Variants in PACRGL observed in about 807,000 individuals in gnomAD.
PACRGL encodes PACRG-like protein.
Under a neutral mutation model 34.5 loss-of-function variants are expected in PACRGL, and 38 were observed. That is an observed-to-expected ratio of 1.10 (90% CI 0.85 to 1.44). The LOEUF (loss-of-function observed/expected upper bound fraction) is 1.44. PACRGL is among the 40% of genes most tolerant of loss of function. The pLI is 0.00. For synonymous variants in PACRGL, 128 were observed against 100.1 expected (o/e 1.28, Z -1.66); for missense variants, 305 against 281.4 (o/e 1.08, Z -0.60).
In PACRGL at chr4:20,707,921, A is replaced by G. The variant is rs568709719; in HGVS notation, c.275+51A>G. The G allele has an allele frequency of 2.6e-5, 33 of 1,289,696 alleles. No individual in the cohort carries two copies. The East Asian group carries it at 7.6e-4, about 30-fold the overall frequency. The allele number at this position is 1,289,696 out of a possible 1,614,324, so 79.9% of individuals were successfully genotyped here. ...ACCAAATTATTCAAAATCATTGAGT[A>G]AAATGAATACAATATTTAGTTTAAA... is the stretch of plus-strand genomic sequence containing the variant. On this transcript the variant is annotated intron_variant, in intron 4 of 8. Transcript: ENST00000503585.
downstream of PACRGL, among the ~76,000 whole-genome samples, chr4:20,737,423 A>G (rs1171095331): frequency 6.6e-6 from 1 of 152,180 alleles, no homozygotes; most frequent in Non-Finnish European, 1.5e-5. Flanking sequence ...TACTGAAGAG[A>G]AGAATCTAAA....
At chr4:20,706,837 G>T (rs935677953) in intron 3 of PACRGL, among the ~76,000 whole-genome samples, 1 of 152,230 alleles carries the variant, frequency 6.6e-6, no homozygotes, top group East Asian at 1.9e-4. Context: ...GCCTCCCAAA[G>T]TGCTGGGATT....
At chr4:20,720,862 A>G (rs571626528) in intron 7 of PACRGL, among the ~76,000 whole-genome samples, 21 of 152,134 alleles carry the variant, frequency 1.4e-4, no homozygotes, top group South Asian at 4.2e-4. Flanking sequence ...CTGAATTTCA[A>G]TGTTGGCCTG....
chr4:20,762,492 T>A, the PACRGL span, among the ~76,000 whole-genome samples: 10 of 152,346 alleles, frequency 6.6e-5, no homozygotes, highest in East Asian at 7.7e-4. Context: ...AACCTTCAGG[T>A]GAGAAAAAGA....
At chr4:20,709,843 A>G in intron 5 of PACRGL, 70 bp downstream of exon 5, 1 of 1,296,610 alleles carries the variant, frequency 7.7e-7, no homozygotes, top group Non-Finnish European at 1.1e-6. Context: ...GCTACTTTGT[A>G]GCTTGTCAGT....
chr4:20,729,968 C>CATAAT lies in PACRGL; in HGVS notation c.*2630_*2634dup. On this transcript the variant is annotated 3_prime_UTR_variant, in exon 9 of 9. Transcript: ENST00000503585. Reference sequence around the variant, plus strand: ...TTTATATTAAAACAAAGCTTGTTTGCATAATATGCTTCAGTGTCAAGCTGA... The same window carrying CATAAT: ...TTTATATTAAAACAAAGCTTGTTTGCATAATATAATATGCTTCAGTGTCAAGCTGA... The CATAAT allele has an allele frequency of 1.6e-6, 2 of 1,235,568 alleles. No homozygotes were observed. Among genetic ancestry groups the CATAAT allele is most frequent in the Non-Finnish European group, 2.2e-6 (2 of 913,920 alleles). The allele number at this position is 1,235,568 out of a possible 1,614,324, so 76.5% of individuals were successfully genotyped here.
intron 8 of PACRGL, 67 bp from the exon 9 acceptor site, chr4:20,727,218 C>A: frequency 1.5e-6 from 2 of 1,365,546 alleles, no homozygotes; most frequent in Non-Finnish European, 1.0e-6. Flanking sequence ...CATATTCCTG[C>A]AAATATAATA....
At chr4:20,740,407 A>G (rs1420663122) in intron 8 of PACRGL, among the ~76,000 whole-genome samples, 1 of 152,222 alleles carries the variant, frequency 6.6e-6, no homozygotes, top group African/African-American at 2.4e-5. Flanking sequence ...AAGCCAGAAG[A>G]GAGTGGGGGC....
chr4:20,718,199 T>C (rs1385582623), intron 7 of PACRGL, among the ~76,000 whole-genome samples: 2 of 152,212 alleles, frequency 1.3e-5, no homozygotes, highest in East Asian at 1.9e-4. Flanking sequence ...GAGACTTTGC[T>C]GAGTTGCTTA....
chr4:20,753,685 A>G (rs1455986497), downstream of PACRGL, among the ~76,000 whole-genome samples: 1 of 152,214 alleles, frequency 6.6e-6, no homozygotes, highest in East Asian at 1.9e-4. Context: ...AGACAAGTTC[A>G]TATGTGTGAA....
intron 8 of PACRGL, among the ~76,000 whole-genome samples, chr4:20,726,641 CA>C (rs1560374589): frequency 1.3e-5 from 2 of 152,214 alleles, no homozygotes; most frequent in Admixed American, 1.3e-4. Context: ...TGAGTGTTCT[CA>C]GTTGTGGTTT....
At chr4:20,712,728 T>C in intron 5 of PACRGL, 60 bp from the exon 6 acceptor site, 2 of 1,321,926 alleles carry the variant, frequency 1.5e-6, no homozygotes, top group South Asian at 2.6e-5. Context: ...AGACTCAATT[T>C]TTCTGTTATT....
chr4:20,749,564 T>C, intron 8 of PACRGL: 1 of 782,810 alleles, frequency 1.3e-6, no homozygotes, highest in Non-Finnish European at 2.0e-6. Context: ...GGGCTTTCTT[T>C]CCCCTGAGCA....
chr4:20,733,485 A>G (rs1012528819), downstream of PACRGL, among the ~76,000 whole-genome samples: 1 of 152,212 alleles, frequency 6.6e-6, no homozygotes, highest in African/African-American at 2.4e-5. Context: ...TTAGGTTAAT[A>G]CAGAGCGAAT....
the PACRGL span, among the ~76,000 whole-genome samples, chr4:20,765,355 A>T: frequency 6.6e-6 from 1 of 152,118 alleles, no homozygotes. Flanking sequence ...TACACGGTGT[A>T]TTTGTACCCA....
At chr4:20,742,814 C>A (rs925541406) in intron 8 of PACRGL, among the ~76,000 whole-genome samples, 1 of 152,086 alleles carries the variant, frequency 6.6e-6, no homozygotes, top group Non-Finnish European at 1.5e-5. Flanking sequence ...ATTTAGAAAA[C>A]CCTGTCGTCT....
At chr4:20,714,938 G>T (rs1187588980) in intron 7 of PACRGL, among the ~76,000 whole-genome samples, 3 of 152,128 alleles carry the variant, frequency 2.0e-5, no homozygotes, top group South Asian at 2.1e-4. Flanking sequence ...ATACCCAAAG[G>T]ACTATAAATC....
rs1266526544 is a variant in PACRGL at position 20,730,884 on chromosome 4, C to T, written c.*3543C>T. ...TGGTGGCTGAACCAATAATGGCTTC[C>T]ACTGCTAGAAACCAAGTAACATCAC... is the stretch of plus-strand genomic sequence containing the variant. On this transcript the variant is annotated 3_prime_UTR_variant, in exon 9 of 9. Transcript: ENST00000503585. Among the ~76,000 whole-genome samples, 2 of 152,040 alleles carry T rather than the reference C, an allele frequency of 1.3e-5. No homozygotes were observed. Among genetic ancestry groups the T allele is most frequent in the African/African-American group, 4.8e-5 (2 of 41,402 alleles).
chr4:20,713,476 A>G lies in PACRGL; in HGVS notation c.546A>G (p.Leu182=), dbSNP rs1738272460. The G allele has an allele frequency of 6.2e-7, 1 of 1,613,644 alleles. No homozygotes were observed. The highest frequency in any genetic ancestry group is 8.5e-7 in the Non-Finnish European group (1 of 1,179,792). ...DEVFERGLNA[L]VQLSVVVGPS... is the part of the protein sequence containing the mutation. Reference sequence around the variant, plus strand: ...TGTTTGAAAGAGGATTGAATGCTCTAGTTCAGCTAAGTGTCGTTGTTGGTC... The same window carrying G: ...TGTTTGAAAGAGGATTGAATGCTCTGGTTCAGCTAAGTGTCGTTGTTGGTC... Residue 182 remains leucine, a synonymous_variant, in exon 7 of 9, where the codon CTA becomes CTG. Coordinates refer to ENST00000503585, the MANE Select transcript of PACRGL (RefSeq NM_001258345.3).
Sources: allele counts gnomAD v4.1 joint callset (sites outside exome capture counted in the v4.1 genomes callset), GRCh38; gene constraint gnomAD v4.1.1; transcripts MANE v1.5; gene names NCBI Gene and HGNC (gene_info 2026-07-23, HGNC 2026-07-21).